The following SWT1 variants were observed in gnomAD, a reference collection of about 807,000 sequenced individuals.
SWT1 encodes transcriptional protein SWT1.
SWT1 carries 33 observed loss-of-function variants against 107.3 expected under a neutral mutation model. That is an observed-to-expected ratio of 0.31 (90% confidence interval 0.23 to 0.41). SWT1 has a LOEUF of 0.41. SWT1 is among the 10% of genes least tolerant of loss of function. The probability of loss-of-function intolerance (pLI) is 1.00; values close to 1 mark genes in which losing one functional copy is unlikely to be tolerated. For synonymous variants in SWT1, 345 were observed against 348.3 expected, an observed-to-expected ratio of 0.99 and a Z score of 0.11; for missense variants, 898 against 1,028.9, an observed-to-expected ratio of 0.87 and a Z score of 1.74.
At chr1:185,248,275 T>C (rs1444580391) in intron 16 of SWT1, among the ~76,000 whole-genome samples, 2 of 151,208 alleles carry the variant, frequency 1.3e-5, no homozygotes, top group African/African-American at 2.5e-5. Flanking sequence ...ACAACAATGT[T>C]CTCACACAAA....
At chr1:185,189,835 A>C (rs915799316) in intron 9 of SWT1, among the ~76,000 whole-genome samples, 1 of 149,910 alleles carries the variant, frequency 6.7e-6, no homozygotes, top group Non-Finnish European at 1.5e-5. Flanking sequence ...TTATATATGT[A>C]TATATAAATA....
At chr1:185,259,602 G>C (rs998802772) in intron 16 of SWT1, among the ~76,000 whole-genome samples, 2 of 151,984 alleles carry the variant, frequency 1.3e-5, no homozygotes, top group Non-Finnish European at 2.9e-5. Flanking sequence ...GTGACTCCTA[G>C]AGGGAAATTT....
chr1:185,200,064 G>A (rs1169509797), intron 10 of SWT1, among the ~76,000 whole-genome samples: 2 of 151,812 alleles, frequency 1.3e-5, no homozygotes, highest in Non-Finnish European at 2.9e-5. Flanking sequence ...TATGCTTTAC[G>A]AAGTTCTCGT....
At chr1:185,283,932 G>T (rs951733289) in intron 18 of SWT1, among the ~76,000 whole-genome samples, 1 of 152,034 alleles carries the variant, frequency 6.6e-6, no homozygotes. Flanking sequence ...GTTATAAGTA[G>T]TATTGCTCTT....
chr1:185,240,498 A>T (rs1160088810), intron 16 of SWT1, among the ~76,000 whole-genome samples: 1 of 152,086 alleles, frequency 6.6e-6, no homozygotes, highest in Non-Finnish European at 1.5e-5. Flanking sequence ...AAGTGTATAT[A>T]GCTTAGTTTT....
Position 185,174,379 on chromosome 1 carries a change from G to C in SWT1, c.232G>C (p.Val78Leu), listed in dbSNP as rs556246892. The change falls in exon 5 of 19, where the codon GTA (valine) becomes CTA (leucine). Residue 78 changes from valine (V) to leucine (L), a missense_variant. This residue lies in a region of SWT1 where 382 missense variants were observed against 362.4 expected (regional missense o/e 1.05). Coordinates refer to ENST00000367500, the MANE Select transcript of SWT1 (RefSeq NM_017673.7). ...KRRQGLKRLS[V>L]EIDTLRRRPK... ...TTCTGTGCTGTTTTACAGATTGAGTGTAGAAATTGACACTCTCAGAAGGAG... is the reference window on the plus strand; with the variant it reads ...TTCTGTGCTGTTTTACAGATTGAGTCTAGAAATTGACACTCTCAGAAGGAG... The C allele has an allele frequency of 6.5e-7, 1 of 1,544,666 alleles. No individual in the cohort carries two copies. The highest frequency in any genetic ancestry group is 1.3e-5 in the South Asian group (1 of 77,644).
intron 18 of SWT1, among the ~76,000 whole-genome samples, chr1:185,288,283 T>C (rs1284311921): frequency 6.6e-6 from 1 of 152,164 alleles, no homozygotes; most frequent in Non-Finnish European, 1.5e-5. Context: ...TCACACTGTA[T>C]TGCTTAGGCT....
At chr1:185,199,214 G>A (rs1253997201) in intron 10 of SWT1, among the ~76,000 whole-genome samples, 1 of 152,160 alleles carries the variant, frequency 6.6e-6, no homozygotes, top group Non-Finnish European at 1.5e-5. Context: ...GGGATTACAG[G>A]CATGAGCCAC....
At chr1:185,262,975 C>T (rs543266744) in intron 16 of SWT1, among the ~76,000 whole-genome samples, 77 of 151,776 alleles carry the variant, frequency 5.1e-4, no homozygotes, top group African/African-American at 1.9e-4. Context: ...TTTGTAGAGA[C>T]GGGGTTTCAC....
At chr1:185,226,732 CTT>C (rs35307844) in intron 15 of SWT1, 35,629 of 367,948 alleles carry the variant, frequency 0.097, 220 homozygotes, top group East Asian at 0.14. Flanking sequence ...GCTTCTGAGA[CTT>C]TTTTTTTTTT....
intron 1 of SWT1, among the ~76,000 whole-genome samples, chr1:185,159,701 A>G (rs1041856096): frequency 1.4e-4 from 22 of 152,226 alleles, no homozygotes; most frequent in Middle Eastern, 3.4e-3. Context: ...ATGTACATAT[A>G]TATATGTATT....
In SWT1 at chr1:185,202,722, G is replaced by A; in HGVS notation, c.1592G>A (p.Ser531Asn). 1 of 1,607,004 alleles carries A rather than the reference G, an allele frequency of 6.2e-7. No individual in the cohort carries two copies. Among genetic ancestry groups the A allele is most frequent in the Non-Finnish European group, 8.5e-7 (1 of 1,176,040 alleles). Residue 531 changes from serine (S) to asparagine (N), a missense_variant, in exon 11 of 19, where the codon AGT (serine) becomes AAT (asparagine). Physicochemically the swap from Ser to Asn is conservative, Grantham distance 46. Around this residue, in one of 6 missense-constraint regions of SWT1, gnomAD observed 382 missense variants for 460.0 expected, o/e 0.83. Coordinates refer to ENST00000367500, the MANE Select transcript of SWT1 (RefSeq NM_017673.7). ...GVKSLSKEEL[S>N]AELLHLSLNT... Reference sequence around the variant, plus strand: ...AAGTCACTCAGTAAAGAAGAATTGAGTGCAGAGTTATTACACTTATCTCTG... The same window carrying A: ...AAGTCACTCAGTAAAGAAGAATTGAATGCAGAGTTATTACACTTATCTCTG...
intron 5 of SWT1, among the ~76,000 whole-genome samples, chr1:185,175,627 C>T (rs951891098): frequency 2.6e-5 from 4 of 151,948 alleles, no homozygotes; most frequent in Non-Finnish European, 4.4e-5. Flanking sequence ...TCTTTAATTC[C>T]AACTTTTTTA....
At chr1:185,178,859 T>C (rs1655791325) in intron 5 of SWT1, among the ~76,000 whole-genome samples, 1 of 152,166 alleles carries the variant, frequency 6.6e-6, no homozygotes. Context: ...AGTGTGTTGT[T>C]ATATCATGTG....
intron 16 of SWT1, among the ~76,000 whole-genome samples, chr1:185,269,327 A>G (rs1042804566): frequency 1.3e-5 from 2 of 148,614 alleles, no homozygotes; most frequent in African/African-American, 5.0e-5. Context: ...GTCCTTCTCC[A>G]TATGTAGTAT....
intron 1 of SWT1, among the ~76,000 whole-genome samples, chr1:185,158,767 C>G (rs1341422910): frequency 6.6e-6 from 1 of 152,186 alleles, no homozygotes; most frequent in Non-Finnish European, 1.5e-5. Context: ...ATTGCTACTG[C>G]ATAAGTTATA....
At chr1:185,216,849 G>C (rs899361927) in intron 14 of SWT1, among the ~76,000 whole-genome samples, 1 of 152,036 alleles carries the variant, frequency 6.6e-6, no homozygotes, top group Non-Finnish European at 1.5e-5. Context: ...CTACTTGGGA[G>C]GATGAGGCAG....
intron 16 of SWT1, among the ~76,000 whole-genome samples, chr1:185,244,709 G>A (rs942156194): frequency 6.6e-6 from 1 of 152,024 alleles, no homozygotes; most frequent in African/African-American, 2.4e-5. Context: ...TTAACCTTAG[G>A]TTGTTATAAC....
At chr1:185,167,366 G>T (rs115314731) in intron 3 of SWT1, among the ~76,000 whole-genome samples, 8 of 152,268 alleles carry the variant, frequency 5.3e-5, no homozygotes, top group Non-Finnish European at 1.0e-4. Context: ...AACACAATAC[G>T]CTAATCCATA....
Sources: gnomAD v4.1 joint callset for allele counts (sites outside exome capture counted in the v4.1 genomes callset) on GRCh38, gnomAD v4.1.1 for gene constraint, gnomAD v4.1.1 regional missense constraint, MANE v1.5 for transcripts, NCBI Gene and HGNC (gene_info 2026-07-23, HGNC 2026-07-21) for gene names.